Variants in GDE1 observed in about 807,000 individuals in gnomAD.
GDE1 encodes RGS16-interacting membrane protein.
Under a neutral mutation model 32.2 loss-of-function variants are expected in GDE1, and 24 were observed. That is an observed-to-expected ratio of 0.75 (90% CI 0.54 to 1.05). The LOEUF is 1.05. GDE1 is among the 50% of genes least tolerant of loss of function. The probability of loss-of-function intolerance (pLI) is 0.00; values close to 1 mark genes in which losing one functional copy is unlikely to be tolerated. For synonymous variants in GDE1, 159 were observed against 158.6 expected, an observed-to-expected ratio of 1.00 and a Z score of -0.02; for missense variants, 380 against 415.0, an observed-to-expected ratio of 0.92 and a Z score of 0.73.
At chr16:19,516,233 G>T (rs1055881832) in intron 2 of GDE1, among the ~76,000 whole-genome samples, 1 of 152,166 alleles carries the variant, frequency 6.6e-6, no homozygotes, top group Admixed American at 6.5e-5. Flanking sequence ...AGGGTTGAAA[G>T]ACATTGGGGG....
intron 2 of GDE1, among the ~76,000 whole-genome samples, chr16:19,513,279 C>T (rs1169621510): frequency 3.9e-5 from 6 of 151,972 alleles, no homozygotes. Context: ...TAAGTTTTCT[C>T]ATCAGTGTTT....
At chr16:19,515,255 G>C (rs1404675307) in intron 2 of GDE1, among the ~76,000 whole-genome samples, 1 of 152,034 alleles carries the variant, frequency 6.6e-6, no homozygotes, top group African/African-American at 2.4e-5. Flanking sequence ...CATAATTCTA[G>C]AGAAAATATC....
rs111659244 is a variant in GDE1 at position 19,519,449 on chromosome 16, C to CATATATATATATATATAT, written c.261+2237_261+2254dup. On this transcript the variant is annotated intron_variant, in intron 1 of 5. Coordinates refer to ENST00000353258, the MANE Select transcript of GDE1 (RefSeq NM_016641.4). The stretch of plus-strand genomic sequence containing the variant: ...AAACCTATATATGTGTGTGTATGTG[C>CATATATATATATATATAT]ATATATATATATATATATATATATA... 5.4e-5 allele frequency among the ~76,000 whole-genome samples: 8 copies of CATATATATATATATATAT among 146,938 alleles called. No individual in the cohort carries two copies. In the South Asian group the frequency reaches 1.3e-3, roughly 24 times the overall value.
Position 19,517,085 on chromosome 16 carries a change from C to A in GDE1, c.366G>T (p.Gly122=). 6.2e-7 allele frequency: 1 copy of A among 1,614,124 alleles called. No homozygotes were observed. The highest frequency in any genetic ancestry group is 8.5e-7 in the Non-Finnish European group (1 of 1,179,966). ...HDNTVDRTTD[G]TGRLCDLTFE... is the part of the protein sequence containing the mutation. Reference sequence around the variant, plus strand: ...ATGTCAAATCACACAATCGCCCAGTCCCATCAGTCGTCCTATCTACTGTGT... The same window carrying A: ...ATGTCAAATCACACAATCGCCCAGTACCATCAGTCGTCCTATCTACTGTGT... Residue 122 remains glycine (G), a synonymous_variant, in exon 2 of 6, where the codon GGG becomes GGT. Transcript: ENST00000353258.
chr16:19,506,486 C>G (rs1969248662), intron 4 of GDE1, among the ~76,000 whole-genome samples: 1 of 152,024 alleles, frequency 6.6e-6, no homozygotes, highest in Non-Finnish European at 1.5e-5. Context: ...CCCGTCTCTA[C>G]TAAAATACAA....
At chr16:19,507,623 G>GGCGAC (rs1969264326) in intron 4 of GDE1, 64 bp downstream of exon 4, 2 of 823,220 alleles carry the variant, frequency 2.4e-6, no homozygotes, top group African/African-American at 1.7e-5. Context: ...CTGTGCTTAC[G>GGCGAC]CAGCCCATTG....
At chr16:19,516,897 T>C in intron 2 of GDE1, 117 bp downstream of exon 2, 2 of 866,472 alleles carry the variant, frequency 2.3e-6, no homozygotes, top group Non-Finnish European at 3.7e-6. Flanking sequence ...AAGACCTACG[T>C]ACAGTTCAAA....
At position 19,503,456 on chromosome 16, in the gene GDE1, C is replaced by T. The variant is rs778448691; in HGVS notation, c.*14G>A. ...CTGGCAGTTTCTGAACCCGTTTCGTCCCACCGTGAAAGTCTAGAAGTGAGG... is the reference window on the plus strand; with the variant it reads ...CTGGCAGTTTCTGAACCCGTTTCGTTCCACCGTGAAAGTCTAGAAGTGAGG... On this transcript the variant is annotated 3_prime_UTR_variant, in exon 6 of 6. Transcript: ENST00000353258. 1.2e-6 allele frequency: 2 copies of T among 1,612,020 alleles called. No individual in the cohort carries two copies. The highest frequency in any genetic ancestry group is 1.1e-5 in the South Asian group (1 of 90,996).
chr16:19,522,043 G>C lies in GDE1; in HGVS notation c.-79C>G. On this transcript the variant is annotated 5_prime_UTR_variant, in exon 1 of 6. Transcript: ENST00000353258. ...GCAGTAGAACGAGAAGCGAGGGGGA[G>C]GGTCCAAGGCACCGGCAGCAGCAGG... The C allele has an allele frequency of 1.4e-6, 2 of 1,422,850 alleles. No individual in the cohort carries two copies. Among genetic ancestry groups the C allele is most frequent in the African/African-American group, 2.9e-5 (2 of 70,058 alleles). The allele number at this position is 1,422,850 out of a possible 1,614,324, so 88.1% of individuals were successfully genotyped here.
rs769167554 is a variant in GDE1 at position 19,503,473 on chromosome 16, G to C, written c.993C>G (p.Phe331Leu). Residue 331 changes from phenylalanine to leucine, a missense_variant, in exon 6 of 6, where the codon TTC (phenylalanine) becomes TTG (leucine). Coordinates refer to ENST00000353258, the MANE Select transcript of GDE1 (RefSeq NM_016641.4). Reference sequence around the variant, plus strand: ...CGTTTCGTCCCACCGTGAAAGTCTAGAAGTGAGGTTCGCAGTCTTCTACCA... The same window carrying C: ...CGTTTCGTCCCACCGTGAAAGTCTACAAGTGAGGTTCGCAGTCTTCTACCA... ...DSMVEDCEPH[F>L] 6.2e-7 allele frequency: 1 copy of C among 1,613,816 alleles called. No homozygotes were observed. Among genetic ancestry groups the C allele is most frequent in the East Asian group, 2.2e-5 (1 of 44,882 alleles).
At position 19,502,071 on chromosome 16, in the gene GDE1, C is replaced by T. The variant is rs149921525; in HGVS notation, c.*1399G>A. On this transcript the variant is annotated 3_prime_UTR_variant, in exon 6 of 6. Coordinates refer to ENST00000353258, the MANE Select transcript of GDE1 (RefSeq NM_016641.4). ...TTGCTATGTAAGTTCACAATAAAAT[C>T]CCTGGAAGTTCAAATTGGAAAGAGC... 9.2e-5 allele frequency: 14 copies of T among 152,290 alleles called. No homozygotes were observed. The highest frequency in any genetic ancestry group is 3.4e-4 in the African/African-American group (14 of 41,566). 9.4% of individuals were successfully genotyped at this position (152,290 alleles called of 1,614,324 possible). A position where few individuals can be genotyped will look rare whatever the true frequency, so the allele number is the denominator to read the frequency against.
intron 3 of GDE1, among the ~76,000 whole-genome samples, chr16:19,510,398 T>C (rs1969302702): frequency 6.6e-6 from 1 of 152,240 alleles, no homozygotes; most frequent in Non-Finnish European, 1.5e-5. Context: ...GCTTTTAATA[T>C]AGGAATTCTC....
intron 1 of GDE1, 80 bp downstream of exon 1, chr16:19,521,621 GAGA>G (rs1969454466): frequency 6.7e-7 from 1 of 1,484,694 alleles, no homozygotes; most frequent in Non-Finnish European, 9.1e-7. Context: ...AGGCCGTCCT[GAGA>G]AGATCGGGGA....
intron 3 of GDE1, among the ~76,000 whole-genome samples, chr16:19,508,187 G>C (rs781268291): frequency 7.9e-5 from 12 of 152,114 alleles, no homozygotes; most frequent in Non-Finnish European, 1.6e-4. Context: ...GCCAGTCTGG[G>C]AACTACAGAG....
At chr16:19,516,137 A>G (rs537554087) in intron 2 of GDE1, among the ~76,000 whole-genome samples, 14 of 152,324 alleles carry the variant, frequency 9.2e-5, no homozygotes, top group African/African-American at 3.1e-4. Flanking sequence ...TTGTAAGATT[A>G]GCTCTAGTGT....
chr16:19,503,902 C>T (rs1293131690), intron 5 of GDE1: 1 of 320,386 alleles, frequency 3.1e-6, no homozygotes, highest in Non-Finnish European at 5.7e-6. Flanking sequence ...CCCGACCTGT[C>T]TCCTTGGCTT....
At chr16:19,505,120 A>C (rs1300541283) in intron 4 of GDE1, 28 bp from the exon 5 acceptor site, 1 of 1,419,624 alleles carries the variant, frequency 7.0e-7, no homozygotes, top group Admixed American at 1.7e-5. Context: ...GAAGTAAAAT[A>C]ATGATCATAT....
chr16:19,518,616 C>A (rs1487021442), intron 1 of GDE1, among the ~76,000 whole-genome samples: 4 of 152,172 alleles, frequency 2.6e-5, no homozygotes, highest in Admixed American at 6.5e-5. Flanking sequence ...GAGGTAATTA[C>A]CATCTTAAAG....
chr16:19,510,858 A>G lies in GDE1; in HGVS notation c.524T>C (p.Val175Ala), dbSNP rs756225523. ...LNHNLTIFFD[V>A]KGHAHKATEA... is the part of the protein sequence containing the mutation. ...CTGTACCTTGTGTGCATGGCCTTTG[A>G]CATCAAAGAAGATTGTGAGGTTATG... is the stretch of plus-strand genomic sequence containing the variant. The change falls in exon 3 of 6, where the codon GTC becomes GCC. Residue 175 changes from valine to alanine, a missense_variant. Val to Ala is a moderately conservative substitution (Grantham distance 64). Transcript: ENST00000353258. 26 of 1,580,430 alleles carry G rather than the reference A, an allele frequency of 1.6e-5. No homozygotes were observed. The highest frequency in any genetic ancestry group is 1.3e-5 in the Non-Finnish European group (15 of 1,156,948).
Sources: gnomAD v4.1 joint callset for allele counts (sites outside exome capture counted in the v4.1 genomes callset) on GRCh38, gnomAD v4.1.1 for gene constraint, MANE v1.5 for transcripts, NCBI Gene and HGNC (gene_info 2026-07-23, HGNC 2026-07-21) for gene names.